NUDT2: variants seen among roughly 807,000 people sequenced by gnomAD.
The protein encoded by NUDT2 is nudix hydrolase 2, also known as bis(5'-nucleosyl)-tetraphosphatase [asymmetrical].
A neutral mutation model predicts 14.2 loss-of-function variants in NUDT2; 12 were observed. The observed-to-expected ratio is 0.84, with a 90% CI of 0.54 to 1.37. NUDT2 has a LOEUF of 1.37. NUDT2 is among the 40% of genes most tolerant of loss of function. NUDT2 has a pLI of 0.00. For missense variants in NUDT2, 167 were observed against 176.7 expected (o/e 0.95, Z 0.31); for synonymous variants, 67 against 67.4 (o/e 0.99, Z 0.03).
chr9:34,343,368 G>C lies in NUDT2; in HGVS notation c.372G>C (p.Gln124His), dbSNP rs139419109. 562 of 1,614,098 alleles carry C rather than the reference G, an allele frequency of 3.5e-4. No individual in the cohort carries two copies. Among genetic ancestry groups the C allele is most frequent in the Admixed American group, 9.5e-4 (57 of 60,010 alleles). ...GGCTGGGGCTGGAGGAGGCCTGCCA[G>C]TTGGCTCAGTTCAAGGAGATGAAGG... ...YRWLGLEEAC[Q>H]LAQFKEMKAA... The change falls in exon 5 of 5, where the codon CAG (glutamine) becomes CAC (histidine). Residue 124 changes from glutamine (Q) to histidine (H), a missense_variant. Transcript: ENST00000379158.
chr9:34,339,334 G>C (rs1178839684), intron 4 of NUDT2, among the ~76,000 whole-genome samples, 168 bp downstream of exon 4: 4 of 152,212 alleles, frequency 2.6e-5, no homozygotes, highest in Non-Finnish European at 5.9e-5. Context: ...GACCAGGCCA[G>C]AGTAGAGCTG....
In NUDT2 at chr9:34,336,734, A is replaced by G. The variant is rs537183194; in HGVS notation, c.-152+393A>G. On this transcript the variant is annotated intron_variant, in intron 2 of 4. Coordinates refer to ENST00000379158, the MANE Select transcript of NUDT2 (RefSeq NM_001161.5). ...TTTTTTTTCTATTTTTTGAGAGACA[A>G]GGTCTCACTGTGTTGTCCGGACTGG... Among the ~76,000 whole-genome samples, 4 of 151,948 alleles carry G rather than the reference A, an allele frequency of 2.6e-5. No homozygotes were observed. The South Asian group carries it at 6.2e-4, about 24-fold the overall frequency.
intron 1 of NUDT2, among the ~76,000 whole-genome samples, chr9:34,334,981 G>T (rs961491991): frequency 2.6e-5 from 4 of 152,200 alleles, no homozygotes; most frequent in Non-Finnish European, 5.9e-5. Flanking sequence ...CAGGGTACCA[G>T]GCATAGTGGC....
In NUDT2 at chr9:34,339,032, A is replaced by C; in HGVS notation, c.-8A>C. ...GTATCTTCTTTGTTAAGTCCTTAGG[A>C]TAAGACCATGGCCTTGAGAGCATGT... On this transcript the variant is annotated 5_prime_UTR_variant, in exon 4 of 5. Coordinates refer to ENST00000379158, the MANE Select transcript of NUDT2 (RefSeq NM_001161.5). 6.2e-7 allele frequency: 1 copy of C among 1,612,616 alleles called. No individual in the cohort carries two copies. The highest frequency in any genetic ancestry group is 1.1e-5 in the South Asian group (1 of 91,054).
At chr9:34,332,815 TG>T (rs1837982594) in intron 1 of NUDT2, among the ~76,000 whole-genome samples, 1 of 152,216 alleles carries the variant, frequency 6.6e-6, no homozygotes, top group African/African-American at 2.4e-5. Context: ...TCATGGTAGT[TG>T]GGGCTTTTCT....
chr9:34,331,302 CAT>C lies in NUDT2; in HGVS notation c.-265+1708_-265+1709del, dbSNP rs548976085. On this transcript the variant is annotated intron_variant, in intron 1 of 4. Coordinates refer to ENST00000379158, the MANE Select transcript of NUDT2 (RefSeq NM_001161.5). The stretch of plus-strand genomic sequence containing the variant: ...TTATGACACACGGGTAACAGTAACT[CAT>C]ATATTTAGTACCTCTGATAATGTCA... Among the ~76,000 whole-genome samples, 10 of 152,254 alleles carry C rather than the reference CAT, an allele frequency of 6.6e-5. 1 individual carries two copies. Among genetic ancestry groups the C allele is most frequent in the Admixed American group, 6.5e-4 (10 of 15,292 alleles).
intron 1 of NUDT2, among the ~76,000 whole-genome samples, chr9:34,334,830 A>G (rs996614452): frequency 6.6e-6 from 1 of 152,194 alleles, no homozygotes; most frequent in Non-Finnish European, 1.5e-5. Context: ...GCTAAGCTGG[A>G]TTCCCAGTAT....
At chr9:34,339,527 T>C (rs1422154902) in intron 4 of NUDT2, among the ~76,000 whole-genome samples, 1 of 152,170 alleles carries the variant, frequency 6.6e-6, no homozygotes, top group Non-Finnish European at 1.5e-5. Context: ...TTTTCATCTG[T>C]CAAACAAGGG....
intron 1 of NUDT2, among the ~76,000 whole-genome samples, chr9:34,331,393 T>C (rs560645052): frequency 1.3e-5 from 2 of 152,350 alleles, no homozygotes; most frequent in Admixed American, 6.5e-5. Flanking sequence ...TTAACTTCAT[T>C]TTACAAATGA....
At chr9:34,341,540 C>T (rs1332968348) in intron 4 of NUDT2, among the ~76,000 whole-genome samples, 4 of 152,194 alleles carry the variant, frequency 2.6e-5, no homozygotes, top group Admixed American at 6.5e-5. Context: ...GACGGAGTCT[C>T]GCTCTGTTGC....
Position 34,329,607 on chromosome 9 carries a change from C to G in NUDT2, c.-265+8C>G, listed in dbSNP as rs16924260. 0.15 allele frequency: 22,668 copies of G among 152,264 alleles called. 2,041 individuals are homozygous for G. Among genetic ancestry groups the G allele is most frequent in the South Asian group, 0.31 (1,481 of 4,814 alleles). The allele number at this position is 152,264 out of a possible 1,614,324, so 9.4% of individuals were successfully genotyped here. On this transcript the variant is annotated splice_region_variant and intron_variant, in intron 1 of 4. Coordinates refer to ENST00000379158, the MANE Select transcript of NUDT2 (RefSeq NM_001161.5). ...TACCTCCTTCTGCTTCGGGTGAGTACCCTTAAGGGCCCACTTGATTTTAGT... is the reference window on the plus strand; with the variant it reads ...TACCTCCTTCTGCTTCGGGTGAGTAGCCTTAAGGGCCCACTTGATTTTAGT...
At chr9:34,334,838 T>G (rs188640292) in intron 1 of NUDT2, among the ~76,000 whole-genome samples, 1 of 152,220 alleles carries the variant, frequency 6.6e-6, no homozygotes, top group Non-Finnish European at 1.5e-5. Context: ...GGATTCCCAG[T>G]ATCCTTCCTA....
chr9:34,336,578 A>G (rs1423928384), intron 2 of NUDT2, among the ~76,000 whole-genome samples: 1 of 151,818 alleles, frequency 6.6e-6, no homozygotes, highest in African/African-American at 2.4e-5. Flanking sequence ...GTCTCACTGT[A>G]TTGCCCAGGC....
intron 4 of NUDT2, among the ~76,000 whole-genome samples, chr9:34,340,362 A>C (rs1254712652): frequency 6.6e-6 from 1 of 151,832 alleles, no homozygotes; most frequent in Non-Finnish European, 1.5e-5. Flanking sequence ...AGATTGTGGC[A>C]GGAGTGGAGG....
chr9:34,341,533 G>A (rs920281992), intron 4 of NUDT2, among the ~76,000 whole-genome samples: 5 of 152,136 alleles, frequency 3.3e-5, no homozygotes, highest in East Asian at 1.9e-4. Flanking sequence ...TGTTTGAGAC[G>A]GAGTCTCGCT....
intron 4 of NUDT2, among the ~76,000 whole-genome samples, chr9:34,340,818 C>T (rs1820165875): frequency 6.6e-6 from 1 of 152,128 alleles, no homozygotes; most frequent in Non-Finnish European, 1.5e-5. Context: ...GAAGCAGGGA[C>T]TTTATTTTTT....
chr9:34,334,354 T>G (rs1587988978), intron 1 of NUDT2, among the ~76,000 whole-genome samples: 1 of 152,306 alleles, frequency 6.6e-6, no homozygotes, highest in African/African-American at 2.4e-5. Context: ...TGCCACTTTT[T>G]TGAAGTGTGA....
At chr9:34,333,945 T>C (rs898742434) in intron 1 of NUDT2, among the ~76,000 whole-genome samples, 3 of 152,210 alleles carry the variant, frequency 2.0e-5, no homozygotes, top group African/African-American at 7.2e-5. Context: ...TTTTGAGCTT[T>C]AGAAACAATA....
chr9:34,334,149 A>T (rs1007751921), intron 1 of NUDT2, among the ~76,000 whole-genome samples: 15 of 152,204 alleles, frequency 9.9e-5, no homozygotes, highest in African/African-American at 3.6e-4. Context: ...GATTAATTTG[A>T]TGAAAATATT....
Sources: gnomAD v4.1 joint callset for allele counts (sites outside exome capture counted in the v4.1 genomes callset) on GRCh38, gnomAD v4.1.1 for gene constraint, MANE v1.5 for transcripts, NCBI Gene and HGNC (gene_info 2026-07-23, HGNC 2026-07-21) for gene names.